UBE3A: variants seen among roughly 807,000 people sequenced by gnomAD.
UBE3A encodes ubiquitin protein ligase E3A, also known as ubiquitin-protein ligase E3A.
Under a neutral mutation model 83.4 loss-of-function variants are expected in UBE3A, and 6 were observed. The ratio of observed to expected loss-of-function variants is 0.07; its 90% CI spans 0.04 to 0.14. UBE3A has a LOEUF of 0.14. Among genes scored for constraint, UBE3A ranks in the 10% least tolerant of loss-of-function variants. The probability of loss-of-function intolerance (pLI) is 1.00; values close to 1 mark genes in which losing one functional copy is unlikely to be tolerated. For synonymous variants in UBE3A, 337 were observed against 355.4 expected (o/e 0.95, Z 0.58); for missense variants, 456 against 1,036.1 (o/e 0.44, Z 7.69).
chr15:25,346,695 A>G (rs1487131943), intron 11 of UBE3A: 4 of 152,240 alleles, frequency 2.6e-5, no homozygotes, highest in African/African-American at 7.2e-5. Context: ...AGGAAAAAAA[A>G]GCAAATGGAA....
intron 4 of UBE3A, among the ~76,000 whole-genome samples, chr15:25,402,376 G>A (rs1273977407): frequency 6.6e-6 from 1 of 152,212 alleles, no homozygotes; most frequent in African/African-American, 2.4e-5. Flanking sequence ...TGAAGGCTGG[G>A]TAGGTGGATG....
At chr15:25,421,244 C>T (rs550757062) in intron 1 of UBE3A, among the ~76,000 whole-genome samples, 3 of 152,248 alleles carry the variant, frequency 2.0e-5, no homozygotes, top group Admixed American at 6.5e-5. Context: ...CCATATGACA[C>T]GCCTGCTCCC....
intron 4 of UBE3A, among the ~76,000 whole-genome samples, chr15:25,392,905 G>A (rs975193174): frequency 2.6e-5 from 4 of 152,096 alleles, no homozygotes; most frequent in Non-Finnish European, 5.9e-5. Context: ...GCCAAAAGAG[G>A]AGTAATCTAA....
chr15:25,339,001 T>C lies in UBE3A; in HGVS notation c.*136A>G, dbSNP rs1013343037. On this transcript the variant is annotated 3_prime_UTR_variant, in exon 13 of 13. Coordinates refer to ENST00000648336, the MANE Select transcript of UBE3A (RefSeq NM_130839.5). ...GCACAGACATAGGTGACTACTGTGGTTGACTATCTTACAGCCTTTTTGTAC... is the reference window on the plus strand; with the variant it reads ...GCACAGACATAGGTGACTACTGTGGCTGACTATCTTACAGCCTTTTTGTAC... The C allele has an allele frequency of 4.0e-6, 4 of 1,006,928 alleles. No individual in the cohort carries two copies. Among genetic ancestry groups the C allele is most frequent in the East Asian group, 5.8e-5 (2 of 34,768 alleles). The allele number at this position is 1,006,928 out of a possible 1,614,324, so 62.4% of individuals were successfully genotyped here.
chr15:25,392,178 G>A (rs2152963912), intron 4 of UBE3A, among the ~76,000 whole-genome samples: 1 of 152,306 alleles, frequency 6.6e-6, no homozygotes, highest in East Asian at 1.9e-4. Flanking sequence ...CATGTCCAGA[G>A]CTTACTGTAC....
intron 4 of UBE3A, among the ~76,000 whole-genome samples, chr15:25,398,681 A>G (rs2086167402): frequency 6.7e-6 from 1 of 149,704 alleles, no homozygotes; most frequent in African/African-American, 2.5e-5. Context: ...ATGAACACTT[A>G]GGCTGATGCT....
intron 4 of UBE3A, chr15:25,393,639 T>C (rs950556591): frequency 3.3e-5 from 5 of 152,210 alleles, no homozygotes; most frequent in Non-Finnish European, 5.9e-5. Flanking sequence ...CCTTAGATAA[T>C]CTCATAATAT....
chr15:25,411,268 A>C (rs1412252968), intron 2 of UBE3A, among the ~76,000 whole-genome samples: 1 of 152,236 alleles, frequency 6.6e-6, no homozygotes, highest in Non-Finnish European at 1.5e-5. Context: ...CTAACATCTA[A>C]GTATCTCAGA....
intron 4 of UBE3A, among the ~76,000 whole-genome samples, chr15:25,394,568 A>G (rs1258419495): frequency 6.6e-6 from 1 of 152,198 alleles, no homozygotes; most frequent in Admixed American, 6.5e-5. Flanking sequence ...CATCCAAGCT[A>G]TATTTCTATG....
intron 1 of UBE3A, chr15:25,422,105 C>T (rs756834681): frequency 3.3e-5 from 5 of 151,944 alleles, no homozygotes; most frequent in African/African-American, 1.2e-4. Flanking sequence ...TTTAAAAAAA[C>T]GAAACAAACA....
intron 2 of UBE3A, among the ~76,000 whole-genome samples, chr15:25,410,351 G>C (rs1043856926): frequency 2.6e-5 from 4 of 152,182 alleles, no homozygotes; most frequent in Non-Finnish European, 5.9e-5. Context: ...AAATTTAGCA[G>C]GCCTCTTTAC....
intron 1 of UBE3A, among the ~76,000 whole-genome samples, chr15:25,433,819 T>C (rs1279963357): frequency 2.6e-5 from 4 of 152,252 alleles, no homozygotes; most frequent in African/African-American, 9.6e-5. Context: ...CTCACACCTG[T>C]AATCCTAGCA....
chr15:25,340,996 CAT>C (rs1274689854), intron 11 of UBE3A, among the ~76,000 whole-genome samples: 3 of 152,104 alleles, frequency 2.0e-5, no homozygotes, highest in Non-Finnish European at 2.9e-5. Flanking sequence ...AATACAAGCT[CAT>C]AAAGTGCAAT....
intron 4 of UBE3A, among the ~76,000 whole-genome samples, chr15:25,400,270 G>C (rs2086767502): frequency 2.0e-5 from 3 of 152,032 alleles, no homozygotes; most frequent in Admixed American, 2.0e-4. Flanking sequence ...CAGGATATTG[G>C]TTCCAGGATC....
At chr15:25,365,640 C>T (rs940463559) in intron 6 of UBE3A, among the ~76,000 whole-genome samples, 3 of 150,816 alleles carry the variant, frequency 2.0e-5, no homozygotes, top group Non-Finnish European at 4.4e-5. Context: ...CCCAGCTACT[C>T]GGGAGGCTGA....
chr15:25,415,868 A>T (rs2090811864), intron 1 of UBE3A: 1 of 150,688 alleles, frequency 6.6e-6, no homozygotes, highest in African/African-American at 2.5e-5. Flanking sequence ...AAAAAAAAAA[A>T]AGGAATCAGG....
At chr15:25,401,750 T>A (rs1477396813) in intron 4 of UBE3A, among the ~76,000 whole-genome samples, 1 of 152,140 alleles carries the variant, frequency 6.6e-6, no homozygotes, top group Non-Finnish European at 1.5e-5. Flanking sequence ...ATTTTTTTTA[T>A]CTTGAGTCAT....
At chr15:25,432,191 C>T (rs1222149634) in intron 1 of UBE3A, among the ~76,000 whole-genome samples, 1 of 152,132 alleles carries the variant, frequency 6.6e-6, no homozygotes, top group Non-Finnish European at 1.5e-5. Context: ...TACAAGAGTG[C>T]AAGAAAGTGA....
chr15:25,357,849 C>T (rs950607866), intron 7 of UBE3A, among the ~76,000 whole-genome samples: 25 of 148,586 alleles, frequency 1.7e-4, no homozygotes, highest in Non-Finnish European at 3.7e-4. Context: ...AAAGTAGTTT[C>T]GTAGTCTTTC....
Sources: allele counts gnomAD v4.1 joint callset (sites outside exome capture counted in the v4.1 genomes callset), GRCh38; gene constraint gnomAD v4.1.1; transcripts MANE v1.5; gene names NCBI Gene and HGNC (gene_info 2026-07-23, HGNC 2026-07-21).